Variants in LRRC7 observed in about 807,000 individuals in gnomAD.
LRRC7 encodes the protein leucine-rich repeat-containing protein 7.
A neutral mutation model predicts 175.7 loss-of-function variants in LRRC7; 23 were observed. The ratio of observed to expected loss-of-function variants is 0.13; its 90% CI spans 0.09 to 0.19. The LOEUF (loss-of-function observed/expected upper bound fraction) is 0.19, where lower values mean the gene tolerates loss of function less well. LRRC7 is among the 10% of genes least tolerant of loss of function. The pLI is 1.00. For synonymous variants in LRRC7, 685 were observed against 680.9 expected (o/e 1.01, Z -0.09); for missense variants, 1,354 against 1,904.7 (o/e 0.71, Z 5.38).
chr1:70,022,186 GCTGT>G (rs1657581332), intron 16 of LRRC7: 1 of 152,126 alleles, frequency 6.6e-6, no homozygotes, highest in African/African-American at 2.4e-5. Context: ...GTTGATTAGT[GCTGT>G]CTAACAACCA....
intron 20 of LRRC7, 71 bp downstream of exon 20, chr1:70,036,695 C>T: frequency 6.8e-7 from 1 of 1,480,794 alleles, no homozygotes. Flanking sequence ...ATGGAATCTT[C>T]TTAATTTTGG....
intron 24 of LRRC7, among the ~76,000 whole-genome samples, chr1:70,081,085 A>G (rs561571994): frequency 6.6e-6 from 1 of 152,316 alleles, no homozygotes; most frequent in South Asian, 2.1e-4. Flanking sequence ...AGATAAACTG[A>G]TTTTAATAGG....
At chr1:69,721,141 CACACATTT>C (rs1666298808) in intron 2 of LRRC7, among the ~76,000 whole-genome samples, 1 of 151,910 alleles carries the variant, frequency 6.6e-6, no homozygotes, top group African/African-American at 2.4e-5. Flanking sequence ...CATCTATCCC[CACACATTT>C]ACAGGCTCCC....
chr1:69,774,790 T>C (rs1672635741), intron 3 of LRRC7, among the ~76,000 whole-genome samples: 1 of 152,126 alleles, frequency 6.6e-6, no homozygotes, highest in South Asian at 2.1e-4. Flanking sequence ...GGAAAAAAAC[T>C]GATGGTGGCT....
At chr1:69,905,085 G>A (rs1208512333) in intron 7 of LRRC7, among the ~76,000 whole-genome samples, 1 of 152,010 alleles carries the variant, frequency 6.6e-6, no homozygotes, top group Non-Finnish European at 1.5e-5. Context: ...CCATTGATGG[G>A]CATTTAGGTT....
In LRRC7 at chr1:70,013,087, C is replaced by T; in HGVS notation, c.1248C>T (p.Asn416=). ...TAAGAGTCCTAAATTTGAGTGACAA[C>T]AGGTATTTTTGCAACATTTCACAAT... ...QKLRVLNLSD[N]RLKNLPFSFT... is the part of the protein sequence containing the mutation. The change falls in exon 13 of 27, where the codon AAC becomes AAT. Residue 416 remains asparagine, a splice_region_variant and synonymous_variant. Transcript: ENST00000651989. 3 of 1,531,554 alleles carry T rather than the reference C, an allele frequency of 2.0e-6. No individual in the cohort carries two copies. The highest frequency in any genetic ancestry group is 2.7e-6 in the Non-Finnish European group (3 of 1,128,170). 94.9% of individuals were successfully genotyped at this position (1,531,554 alleles called of 1,614,324 possible).
chr1:69,909,531 G>T (rs1646450125), intron 7 of LRRC7, among the ~76,000 whole-genome samples: 1 of 152,014 alleles, frequency 6.6e-6, no homozygotes, highest in African/African-American at 2.4e-5. Flanking sequence ...CACTTATGAA[G>T]CTTAGTTTGG....
At chr1:69,980,569 AT>A in intron 9 of LRRC7, 116 bp downstream of exon 9, 1 of 800,618 alleles carries the variant, frequency 1.2e-6, no homozygotes, top group Non-Finnish European at 2.0e-6. Flanking sequence ...AATAATACTC[AT>A]TAGGAGTGTT....
At chr1:69,712,221 G>A (rs1490577898) in intron 2 of LRRC7, among the ~76,000 whole-genome samples, 1 of 134,730 alleles carries the variant, frequency 7.4e-6, no homozygotes. Flanking sequence ...GACAGTGGTA[G>A]CACTGAGAAA....
chr1:69,935,930 C>T (rs970546491), intron 8 of LRRC7, among the ~76,000 whole-genome samples: 14 of 152,144 alleles, frequency 9.2e-5, no homozygotes, highest in Non-Finnish European at 1.9e-4. Flanking sequence ...TTCTTCTAAA[C>T]GTTTGAAGGT....
At chr1:69,617,660 CG>C (rs1032977251) in intron 1 of LRRC7, among the ~76,000 whole-genome samples, 8 of 151,000 alleles carry the variant, frequency 5.3e-5, no homozygotes. Flanking sequence ...TGGGCCCTTA[CG>C]GTAGTCGGTT....
rs1439791692 is a variant in LRRC7 at position 70,142,458 on chromosome 1, CAGAT to C, written c.*20573_*20576del. On this transcript the variant is annotated 3_prime_UTR_variant, in exon 27 of 27. Transcript: ENST00000651989. ...TTGAAATGAAGAGAAAGGTAATTGA[CAGAT>C]AAACAGATAGTTTTTGTTTGAAGAG... 3 of 152,052 alleles carry C rather than the reference CAGAT, an allele frequency of 2.0e-5. No homozygotes were observed. Among genetic ancestry groups the C allele is most frequent in the Non-Finnish European group, 4.4e-5 (3 of 67,960 alleles). The allele number at this position is 152,052 out of a possible 1,614,324, so 9.4% of individuals were successfully genotyped here. A position where few individuals can be genotyped will look rare whatever the true frequency, so the allele number is the denominator to read the frequency against.
intron 2 of LRRC7, among the ~76,000 whole-genome samples, chr1:69,687,520 C>CAAAAAAAAAAAAAAAAGAAAAAAAAAA (rs1661306812): frequency 5.2e-5 from 5 of 96,892 alleles, no homozygotes; most frequent in Non-Finnish European, 7.8e-5. Flanking sequence ...AAGAAAAAAC[C>CAAAAAAAAAAAAAAAAGAAAAAAAAAA]AAAAAAAAAA....
intron 2 of LRRC7, among the ~76,000 whole-genome samples, chr1:69,698,249 A>C (rs1220510023): frequency 6.6e-6 from 1 of 152,228 alleles, no homozygotes; most frequent in Non-Finnish European, 1.5e-5. Context: ...TTAAAGTGCA[A>C]TCGAGAGAGC....
chr1:69,846,618 T>C (rs116394341), intron 7 of LRRC7, among the ~76,000 whole-genome samples: 1 of 152,252 alleles, frequency 6.6e-6, no homozygotes, highest in African/African-American at 2.4e-5. Context: ...CAAAAGGCCC[T>C]TGTTGCTTGT....
Position 69,792,165 on chromosome 1 carries a change from G to T in LRRC7, c.421+5G>T. 1 of 1,486,444 alleles carries T rather than the reference G, an allele frequency of 6.7e-7. No individual in the cohort carries two copies. Among genetic ancestry groups the T allele is most frequent in the South Asian group, 1.2e-5 (1 of 84,356 alleles). 92.1% of individuals were successfully genotyped at this position (1,486,444 alleles called of 1,614,324 possible). A position where few individuals can be genotyped will look rare whatever the true frequency, so the allele number is the denominator to read the frequency against. On this transcript the variant is annotated splice_donor_5th_base_variant and intron_variant, in intron 4 of 26. Coordinates refer to ENST00000651989, the MANE Select transcript of LRRC7 (RefSeq NM_001370785.2). ...AACTCGACATCAGTAAAAATGGTAA[G>T]ATTTTTCTCTCATCATAAAATACCT...
intron 1 of LRRC7, among the ~76,000 whole-genome samples, chr1:69,596,775 A>G (rs892388336): frequency 3.3e-5 from 5 of 152,354 alleles, no homozygotes; most frequent in Admixed American, 2.6e-4. Flanking sequence ...AGATGATATC[A>G]AATGAATTCC....
intron 2 of LRRC7, among the ~76,000 whole-genome samples, chr1:69,680,218 T>C (rs1237940668): frequency 6.6e-6 from 1 of 152,100 alleles, no homozygotes; most frequent in Non-Finnish European, 1.5e-5. Flanking sequence ...CCTGGTGACC[T>C]GTATTTTAAG....
At chr1:69,924,913 T>G (rs1286693750) in intron 7 of LRRC7, among the ~76,000 whole-genome samples, 1 of 152,216 alleles carries the variant, frequency 6.6e-6, no homozygotes, top group African/African-American at 2.4e-5. Context: ...TTTTGCCCAT[T>G]CAGTATGGTA....
Sources: gnomAD v4.1 joint callset for allele counts (sites outside exome capture counted in the v4.1 genomes callset) on GRCh38, gnomAD v4.1.1 for gene constraint, MANE v1.5 for transcripts, NCBI Gene and HGNC (gene_info 2026-07-23, HGNC 2026-07-21) for gene names.